CCDC171: variants seen among roughly 807,000 people sequenced by gnomAD.
CCDC171 encodes coiled-coil domain containing 171, also known as coiled-coil domain-containing protein 171.
A neutral mutation model predicts 168.2 loss-of-function variants in CCDC171; 177 were observed. The ratio of observed to expected loss-of-function variants is 1.05; its 90% CI spans 0.93 to 1.19. The LOEUF (loss-of-function observed/expected upper bound fraction) is 1.19. CCDC171 is among the 50% of genes most tolerant of loss of function. The probability of loss-of-function intolerance (pLI) is 0.00; values close to 1 mark genes in which losing one functional copy is unlikely to be tolerated. For synonymous variants in CCDC171, 687 were observed against 540.8 expected (o/e 1.27, Z -3.75); for missense variants, 1,991 against 1,539.0 (o/e 1.29, Z -4.91).
chr9:15,629,946 G>T (rs1294149936), intron 7 of CCDC171, among the ~76,000 whole-genome samples: 5 of 152,134 alleles, frequency 3.3e-5, no homozygotes, highest in Non-Finnish European at 5.9e-5. Flanking sequence ...AAGTGAAGGA[G>T]AAATAAAATC....
chr9:15,848,111 A>G (rs1474930933), intron 22 of CCDC171, among the ~76,000 whole-genome samples: 1 of 152,002 alleles, frequency 6.6e-6, no homozygotes, highest in African/African-American at 2.4e-5. Flanking sequence ...AAATAGGCTT[A>G]TAAGACCTCC....
intron 3 of CCDC171, among the ~76,000 whole-genome samples, chr9:15,987,315 G>A (rs1038234127): frequency 6.6e-6 from 1 of 152,012 alleles, no homozygotes; most frequent in Non-Finnish European, 1.5e-5. Flanking sequence ...ACTACCTATT[G>A]GGTATTACGC....
At chr9:16,060,771 A>T (rs1833921982) in exon 2 of CCDC171, 1 of 152,282 alleles carries the variant, frequency 6.6e-6, no homozygotes, top group African/African-American at 2.4e-5. Flanking sequence ...TTACAAGAAC[A>T]GCAGAAAAAG....
At chr9:15,562,793 T>G (rs537302717) in intron 1 of CCDC171, among the ~76,000 whole-genome samples, 1 of 152,282 alleles carries the variant, frequency 6.6e-6, no homozygotes, top group South Asian at 2.1e-4. Context: ...GGTCCATTCC[T>G]TCTGGGTTCT....
intron 3 of CCDC171, among the ~76,000 whole-genome samples, chr9:16,000,566 G>A (rs913248253): frequency 6.6e-6 from 1 of 152,138 alleles, no homozygotes; most frequent in Non-Finnish European, 1.5e-5. Flanking sequence ...GAGGGAAAAA[G>A]ATATGAAATA....
chr9:15,571,568 C>G, intron 2 of CCDC171, 56 bp from the exon 3 acceptor site: 1 of 1,338,028 alleles, frequency 7.5e-7, no homozygotes, highest in Non-Finnish European at 1.0e-6. Context: ...ATCAGAAATG[C>G]TCTGAAATGT....
intron 25 of CCDC171, among the ~76,000 whole-genome samples, chr9:15,953,468 T>C (rs1245649624): frequency 6.6e-6 from 1 of 152,192 alleles, no homozygotes; most frequent in African/African-American, 2.4e-5. Flanking sequence ...TCTGTTACTG[T>C]GGTGTATCAC....
intron 24 of CCDC171, among the ~76,000 whole-genome samples, chr9:15,909,611 A>G (rs1823313809): frequency 1.3e-5 from 2 of 152,232 alleles, no homozygotes; most frequent in African/African-American, 4.8e-5. Flanking sequence ...TATTGGAGTC[A>G]CAGTTGCTGT....
At chr9:15,670,016 C>G (rs966977660) in intron 9 of CCDC171, among the ~76,000 whole-genome samples, 2 of 146,458 alleles carry the variant, frequency 1.4e-5, no homozygotes, top group Non-Finnish European at 3.0e-5. Context: ...TAGCTACAAA[C>G]TTACTTCTCC....
At chr9:16,015,386 G>T (rs13298860) in intron 3 of CCDC171, among the ~76,000 whole-genome samples, 47,750 of 151,982 alleles carry the variant, frequency 0.31, 7,771 homozygotes, top group Non-Finnish European at 0.37. Flanking sequence ...TGTTGTGGCT[G>T]GTTTAGTCTT....
the CCDC171 span, among the ~76,000 whole-genome samples, chr9:16,086,527 C>T: frequency 6.6e-6 from 1 of 151,956 alleles, no homozygotes; most frequent in African/African-American, 2.4e-5. Context: ...AGGCTGGTCT[C>T]GAACTCCTGA....
chr9:15,715,709 G>C (rs1033609031), intron 11 of CCDC171, among the ~76,000 whole-genome samples: 3 of 152,282 alleles, frequency 2.0e-5, no homozygotes, highest in Admixed American at 2.0e-4. Flanking sequence ...GAAAAATGAA[G>C]TAGGTAACAA....
At chr9:15,944,665 T>C (rs927914106) in intron 25 of CCDC171, among the ~76,000 whole-genome samples, 1 of 152,024 alleles carries the variant, frequency 6.6e-6, no homozygotes, top group African/African-American at 2.4e-5. Flanking sequence ...AAAGGATGCC[T>C]GTAAGGTTCC....
chr9:15,895,713 C>A (rs1320517750), intron 24 of CCDC171, among the ~76,000 whole-genome samples: 1 of 152,032 alleles, frequency 6.6e-6, no homozygotes, highest in Non-Finnish European at 1.5e-5. Flanking sequence ...TTCTTGTTTT[C>A]CTATGGCCCA....
chr9:15,649,600 A>T (rs926174709), intron 7 of CCDC171, among the ~76,000 whole-genome samples: 8 of 152,226 alleles, frequency 5.3e-5, no homozygotes, highest in African/African-American at 1.4e-4. Context: ...ATATGAACAG[A>T]CACTTCTCAA....
intron 3 of CCDC171, among the ~76,000 whole-genome samples, chr9:15,998,837 A>C (rs957685137): frequency 1.3e-5 from 2 of 152,240 alleles, no homozygotes; most frequent in African/African-American, 4.8e-5. Flanking sequence ...AGAGAGGGAC[A>C]GTTCTTGCCC....
At chr9:15,624,595 G>C (rs1448499673) in intron 7 of CCDC171, among the ~76,000 whole-genome samples, 1 of 152,058 alleles carries the variant, frequency 6.6e-6, no homozygotes, top group Non-Finnish European at 1.5e-5. Flanking sequence ...AGTTTGCTCA[G>C]AATGATGGTT....
intron 20 of CCDC171, among the ~76,000 whole-genome samples, chr9:15,782,257 G>C (rs921571695): frequency 6.6e-6 from 1 of 152,166 alleles, no homozygotes; most frequent in Non-Finnish European, 1.5e-5. Context: ...AATGGTTTTG[G>C]AATACTGTGT....
At chr9:15,601,092 C>T (rs977541592) in intron 6 of CCDC171, among the ~76,000 whole-genome samples, 16 of 152,328 alleles carry the variant, frequency 1.1e-4, no homozygotes, top group African/African-American at 2.4e-4. Context: ...CTGGGGGAGG[C>T]GATGCCTCGC....
Sources: gnomAD v4.1 joint callset for allele counts (sites outside exome capture counted in the v4.1 genomes callset) on GRCh38, gnomAD v4.1.1 for gene constraint, MANE v1.5 for transcripts, NCBI Gene and HGNC (gene_info 2026-07-23, HGNC 2026-07-21) for gene names.